The following GRID1 variants were observed in gnomAD, a reference collection of about 807,000 sequenced individuals.
GRID1 encodes the protein glutamate ionotropic receptor delta type subunit 1, also known as glutamate receptor ionotropic, delta-1.
A neutral mutation model predicts 98.0 loss-of-function variants in GRID1; 28 were observed. The observed-to-expected ratio is 0.29, with a 90% confidence interval of 0.21 to 0.39. The LOEUF (loss-of-function observed/expected upper bound fraction) is 0.39. Ranked by LOEUF, GRID1 falls within the 10% of genes least tolerant of loss-of-function variation. The pLI, the probability that GRID1 is intolerant of heterozygous loss-of-function variation, is 1.00. For missense variants in GRID1, 1,111 were observed against 1,340.5 expected (o/e 0.83, Z 2.67); for synonymous variants, 553 against 538.5 (o/e 1.03, Z -0.37).
At chr10:85,952,678 C>A (rs1169440696) in intron 4 of GRID1, among the ~76,000 whole-genome samples, 1 of 152,110 alleles carries the variant, frequency 6.6e-6, no homozygotes, top group Non-Finnish European at 1.5e-5. Context: ...CAAAACAGGG[C>A]CTTGCAAATT....
At chr10:86,147,358 G>A (rs1845103597) in intron 3 of GRID1, among the ~76,000 whole-genome samples, 1 of 152,048 alleles carries the variant, frequency 6.6e-6, no homozygotes, top group South Asian at 2.1e-4. Flanking sequence ...TGTACCATAT[G>A]GAACCAAAAA....
intron 2 of GRID1, among the ~76,000 whole-genome samples, chr10:86,207,914 G>A (rs1846056462): frequency 1.3e-5 from 2 of 152,228 alleles, no homozygotes; most frequent in South Asian, 4.1e-4. Flanking sequence ...ACAGGCGTGA[G>A]CCACCGCGCC....
intron 2 of GRID1, among the ~76,000 whole-genome samples, chr10:86,357,457 G>A (rs534258486): frequency 1.3e-5 from 2 of 152,328 alleles, no homozygotes; most frequent in African/African-American, 4.8e-5. Context: ...CCAATCTAGA[G>A]GGCTAAGCCA....
chr10:86,339,367 G>A (rs142341079), intron 2 of GRID1, among the ~76,000 whole-genome samples: 20 of 152,344 alleles, frequency 1.3e-4, no homozygotes, highest in South Asian at 1.2e-3. Context: ...GGAAGCCTGG[G>A]GATTGGCACG....
chr10:85,674,076 A>T (rs1040005248), intron 12 of GRID1, among the ~76,000 whole-genome samples: 1 of 152,032 alleles, frequency 6.6e-6, no homozygotes, highest in Admixed American at 6.6e-5. Context: ...ACCTTTCTCT[A>T]CTTGACATAG....
intron 8 of GRID1, among the ~76,000 whole-genome samples, chr10:85,837,558 T>C (rs144041037): frequency 1.1e-3 from 171 of 150,000 alleles, no homozygotes; most frequent in African/African-American, 4.1e-3. Flanking sequence ...CCCCTGAAAA[T>C]CTCCCAGAAA....
intron 3 of GRID1, among the ~76,000 whole-genome samples, chr10:86,177,708 A>G (rs999491161): frequency 1.3e-5 from 2 of 151,618 alleles, no homozygotes; most frequent in Non-Finnish European, 1.5e-5. Context: ...AGAGGCAGAG[A>G]GAGATTCCAG....
chr10:85,780,411 C>A (rs1018665273), intron 8 of GRID1, among the ~76,000 whole-genome samples: 8 of 152,184 alleles, frequency 5.3e-5, no homozygotes, highest in Non-Finnish European at 7.3e-5. Flanking sequence ...CTGGTATAAT[C>A]TGGTGTTACA....
chr10:86,321,363 C>T (rs947584674), intron 2 of GRID1, among the ~76,000 whole-genome samples: 1 of 152,140 alleles, frequency 6.6e-6, no homozygotes, highest in Non-Finnish European at 1.5e-5. Context: ...GGGTCACATT[C>T]TGCCTCTTCC....
At chr10:86,066,862 C>G (rs1004875194) in intron 4 of GRID1, among the ~76,000 whole-genome samples, 3 of 152,216 alleles carry the variant, frequency 2.0e-5, no homozygotes, top group Admixed American at 6.5e-5. Flanking sequence ...CCAAGAGCCA[C>G]AGCCCAGAAC....
At chr10:86,360,290 A>T (rs1848584285) in intron 2 of GRID1, among the ~76,000 whole-genome samples, 1 of 152,240 alleles carries the variant, frequency 6.6e-6, no homozygotes, top group Non-Finnish European at 1.5e-5. Context: ...AACAGGATAT[A>T]AAACTGAACA....
At chr10:85,998,626 A>G (rs1447217651) in intron 4 of GRID1, among the ~76,000 whole-genome samples, 1 of 152,184 alleles carries the variant, frequency 6.6e-6, no homozygotes, top group Non-Finnish European at 1.5e-5. Flanking sequence ...TAACAGGCAG[A>G]TGGAATAAAA....
chr10:85,718,930 T>C (rs1450325022), intron 12 of GRID1, among the ~76,000 whole-genome samples: 1 of 152,220 alleles, frequency 6.6e-6, no homozygotes, highest in African/African-American at 2.4e-5. Context: ...TTTTCTGAAT[T>C]TTTATGCTGT....
At chr10:86,176,926 A>G (rs374341526) in intron 3 of GRID1, among the ~76,000 whole-genome samples, 3 of 152,278 alleles carry the variant, frequency 2.0e-5, no homozygotes, top group African/African-American at 7.2e-5. Context: ...AGTAAGAAAC[A>G]TCATCCAGTG....
Position 85,691,325 on chromosome 10 carries a change from G to C in GRID1, c.1997+31678C>G, listed in dbSNP as rs547936922. Among the ~76,000 whole-genome samples, 3 of 152,226 alleles carry C rather than the reference G, an allele frequency of 2.0e-5. No individual in the cohort carries two copies. In the South Asian group the frequency reaches 6.2e-4, roughly 32 times the overall value. On this transcript the variant is annotated intron_variant, in intron 12 of 15. Coordinates refer to ENST00000327946, the MANE Select transcript of GRID1 (RefSeq NM_017551.3). The stretch of plus-strand genomic sequence containing the variant: ...TCTTTAGCATTTTTCACCAATTGAA[G>C]TTCATTCTTTCACTTGGCCCTATTT...
chr10:85,840,384 T>G (rs56272417), intron 8 of GRID1, among the ~76,000 whole-genome samples: 8,221 of 152,182 alleles, frequency 0.054, 535 homozygotes, highest in East Asian at 0.26. Flanking sequence ...ATCATCATAC[T>G]GAATAGGCAA....
chr10:86,359,866 A>G lies in GRID1; in HGVS notation c.235+4075T>C, dbSNP rs146919882. 2.0e-3 allele frequency among the ~76,000 whole-genome samples: 308 copies of G among 152,350 alleles called. 1 individual carries two copies. Among genetic ancestry groups the G allele is most frequent in the African/African-American group, 6.5e-3 (269 of 41,588 alleles). ...TAGTACCTAGAAGACAAATTTTCAC[A>G]CTATTTGTTAATATGGACTTTGCCA... On this transcript the variant is annotated intron_variant, in intron 2 of 15. Coordinates refer to ENST00000327946, the MANE Select transcript of GRID1 (RefSeq NM_017551.3).
chr10:85,969,430 T>C (rs892701049), intron 4 of GRID1, among the ~76,000 whole-genome samples: 1 of 152,110 alleles, frequency 6.6e-6, no homozygotes, highest in African/African-American at 2.4e-5. Context: ...TAGGACAGAC[T>C]ATGTGCTATG....
chr10:86,106,841 G>C (rs987590550), intron 4 of GRID1, among the ~76,000 whole-genome samples: 2 of 152,102 alleles, frequency 1.3e-5, no homozygotes, highest in African/African-American at 4.8e-5. Context: ...TGGAGGTGGC[G>C]GCTAAGATGG....
Sources: allele counts gnomAD v4.1 joint callset (sites outside exome capture counted in the v4.1 genomes callset), GRCh38; gene constraint gnomAD v4.1.1; transcripts MANE v1.5; gene names NCBI Gene and HGNC (gene_info 2026-07-23, HGNC 2026-07-21).